OTOG: variants seen among roughly 807,000 people sequenced by gnomAD.
OTOG encodes the protein otogelin.
A neutral mutation model predicts 313.8 loss-of-function variants in OTOG; 296 were observed. The ratio of observed to expected loss-of-function variants is 0.94; its 90% confidence interval spans 0.86 to 1.04. OTOG has a LOEUF of 1.04. Ranked by LOEUF, OTOG falls within the 50% of genes least tolerant of loss-of-function variation. The pLI, the probability that OTOG is intolerant of heterozygous loss-of-function variation, is 0.00. For synonymous variants in OTOG, 1,533 were observed against 1,554.9 expected (o/e 0.99, Z 0.33); for missense variants, 3,948 against 3,840.1 (o/e 1.03, Z -0.74).
At chr11:17,625,060 G>A (rs1435353636) in intron 39 of OTOG, among the ~76,000 whole-genome samples, 1 of 152,114 alleles carries the variant, frequency 6.6e-6, no homozygotes, top group Non-Finnish European at 1.5e-5. Flanking sequence ...TTTTGGGTTG[G>A]AACTATGGGG....
intron 24 of OTOG, among the ~76,000 whole-genome samples, chr11:17,589,413 G>A (rs1488163855): frequency 6.6e-6 from 1 of 151,990 alleles, no homozygotes; most frequent in Non-Finnish European, 1.5e-5. Context: ...AACTTTCCAG[G>A]CTCTGTACCC....
intron 32 of OTOG, among the ~76,000 whole-genome samples, chr11:17,603,591 G>C (rs1464727281): frequency 6.6e-6 from 1 of 152,106 alleles, no homozygotes; most frequent in Non-Finnish European, 1.5e-5. Flanking sequence ...GGCCCAGTGG[G>C]GACCCAAGCT....
chr11:17,623,211 C>T (rs771875641), intron 39 of OTOG, among the ~76,000 whole-genome samples: 6 of 152,142 alleles, frequency 3.9e-5, no homozygotes, highest in African/African-American at 9.6e-5. Flanking sequence ...AAACTCATAT[C>T]GCAGGAGTTT....
In OTOG at chr11:17,557,207, C is replaced by A. The variant is rs1211745736; in HGVS notation, c.749C>A (p.Ala250Asp). 7.1e-6 allele frequency: 11 copies of A among 1,550,634 alleles called. No homozygotes were observed. Among genetic ancestry groups the A allele is most frequent in the Non-Finnish European group, 9.6e-6 (11 of 1,147,014 alleles). ...CGGCATCAGTCAGCCTTCACACTGG[C>A]CTGGGATGGTGCCTCGGCTGTCTAC... ...IVRHQSAFTL[A>D]WDGASAVYIK... Residue 250 changes from alanine (A) to aspartate (D), a missense_variant, in exon 8 of 56, where the codon GCC becomes GAC. Physicochemically the swap from Ala to Asp is moderately radical, Grantham distance 126. Coordinates refer to ENST00000399397, the MANE Select transcript of OTOG (RefSeq NM_001292063.2).
chr11:17,599,121 G>A (rs1281563251), intron 30 of OTOG, among the ~76,000 whole-genome samples: 2 of 152,306 alleles, frequency 1.3e-5, no homozygotes, highest in Non-Finnish European at 2.9e-5. Flanking sequence ...TGTGGTGCTG[G>A]GGATGACCAC....
chr11:17,611,195 C>A lies in OTOG; in HGVS notation c.5895C>A (p.Ala1965=). 1 of 1,550,558 alleles carries A rather than the reference C, an allele frequency of 6.4e-7. No individual in the cohort carries two copies. The highest frequency in any genetic ancestry group is 8.7e-7 in the Non-Finnish European group (1 of 1,147,006). Residue 1965 remains alanine (A), a synonymous_variant, in exon 36 of 56, where the codon GCC becomes GCA. Transcript: ENST00000399397. The part of the protein sequence containing the change: ...GTALPVPTSY[A]LSRVSARTAP... ...CTCTGCCAGTGCCCACATCCTATGCCCTGAGCCGTGTCTCAGCCAGGACGG... is the reference window on the plus strand; with the variant it reads ...CTCTGCCAGTGCCCACATCCTATGCACTGAGCCGTGTCTCAGCCAGGACGG...
chr11:17,638,466 G>T lies in OTOG; in HGVS notation c.7811G>T (p.Arg2604Leu), dbSNP rs988638407. Residue 2604 changes from arginine to leucine, a missense_variant, in exon 48 of 56, where the codon CGC becomes CTC. Arg to Leu is a moderately radical substitution (Grantham distance 102). Transcript: ENST00000399397. Reference protein sequence around the residue: ...PLYQCVCENFRCPQVQCGLGT... With the variant: ...PLYQCVCENFLCPQVQCGLGT... ...TTCCCCACAGTGTGTGAGAACTTCC[G>T]CTGTCCCCAAGTGCAGTGTGGCCTG... 4.3e-5 allele frequency: 66 copies of T among 1,549,086 alleles called. No individual in the cohort carries two copies. Among genetic ancestry groups the T allele is most frequent in the Non-Finnish European group, 5.6e-5 (64 of 1,146,852 alleles).
At chr11:17,593,989 G>A (rs1853024172) in intron 27 of OTOG, 58 bp from the exon 28 acceptor site, 5 of 1,548,290 alleles carry the variant, frequency 3.2e-6, no homozygotes, top group Middle Eastern at 1.7e-4. Context: ...TGACCCCTCT[G>A]CCCGTGGCTC....
chr11:17,587,078 T>G (rs1472432427), intron 24 of OTOG, among the ~76,000 whole-genome samples: 1 of 152,262 alleles, frequency 6.6e-6, no homozygotes, highest in Non-Finnish European at 1.5e-5. Context: ...AGTGTGTGGA[T>G]GTATGTTTTT....
At chr11:17,548,286 C>A in intron 3 of OTOG, 74 bp downstream of exon 3, 6 of 1,348,768 alleles carry the variant, frequency 4.4e-6, no homozygotes, top group Non-Finnish European at 6.0e-6. Flanking sequence ...TGGCAGGGAG[C>A]TCTGTAGGTT....
chr11:17,634,946 G>A lies in OTOG; in HGVS notation c.7583G>A (p.Cys2528Tyr), dbSNP rs1181340286. 6.5e-7 allele frequency: 1 copy of A among 1,546,374 alleles called. No homozygotes were observed. The highest frequency in any genetic ancestry group is 2.0e-5 in the Admixed American group (1 of 50,908). The change falls in exon 45 of 56, where the codon TGT (cysteine) becomes TAT (tyrosine). Residue 2528 changes from cysteine (C) to tyrosine (Y), a missense_variant and splice_region_variant. Coordinates refer to ENST00000399397, the MANE Select transcript of OTOG (RefSeq NM_001292063.2). ...GACTCCTGCTGCCCCAGCTACAGCT[G>A]TGGTGAGAGGCCCGGGGTGGGGAGG... ...QEDSCCPSYS[C>Y]ECDPDLCEAE...
chr11:17,611,281 C>T lies in OTOG; in HGVS notation c.5981C>T (p.Ala1994Val), dbSNP rs11024341. ...CTGGCTGAGGCCCATGGAACCTCGG[C>T]AGGGCCTCACCTGGCAGCAGAGCCG... ...PQLAEAHGTSAGPHLAAEPVD... is the reference protein window; with the variant it reads ...PQLAEAHGTSVGPHLAAEPVD... The change falls in exon 36 of 56, where the codon GCA becomes GTA. Residue 1994 changes from alanine (A) to valine (V), a missense_variant. Physicochemically the swap from Ala to Val is moderately conservative, Grantham distance 64. Coordinates refer to ENST00000399397, the MANE Select transcript of OTOG (RefSeq NM_001292063.2). 4.5e-5 allele frequency: 70 copies of T among 1,550,538 alleles called. 1 individual carries two copies. The East Asian group carries it at 1.5e-3, about 33-fold the overall frequency.
chr11:17,556,989 C>G, intron 7 of OTOG, 129 bp from the exon 8 acceptor site: 2 of 873,786 alleles, frequency 2.3e-6, no homozygotes, highest in Non-Finnish European at 3.5e-6. Flanking sequence ...CCTGGGAATT[C>G]TGGGAATTCA....
chr11:17,559,267 T>C (rs918863608), intron 11 of OTOG, 106 bp downstream of exon 11: 4 of 1,020,804 alleles, frequency 3.9e-6, no homozygotes, highest in Non-Finnish European at 5.6e-6. Flanking sequence ...TTATCAGAAC[T>C]CTCAGCCCCG....
chr11:17,560,935 G>T, intron 13 of OTOG, 118 bp downstream of exon 13: 1 of 1,184,240 alleles, frequency 8.4e-7, no homozygotes. Flanking sequence ...GTACCTTTGA[G>T]TCCCAGGGGA....
chr11:17,617,071 T>A (rs12361934), intron 39 of OTOG, among the ~76,000 whole-genome samples: 21,589 of 152,228 alleles, frequency 0.14, 1,661 homozygotes, highest in Non-Finnish European at 0.18. Context: ...GGAGTAGATG[T>A]TGAATTTTGT....
intron 16 of OTOG, 113 bp from the exon 17 acceptor site, chr11:17,570,100 G>GGGGCGAAGACT: frequency 1.1e-6 from 1 of 946,986 alleles, no homozygotes; most frequent in East Asian, 2.7e-5. Flanking sequence ...AGGCAGGCAG[G>GGGGCGAAGACT]GGGCGAAGAC....
At chr11:17,563,243 G>A (rs1007641766) in intron 15 of OTOG, among the ~76,000 whole-genome samples, 1 of 152,210 alleles carries the variant, frequency 6.6e-6, no homozygotes, top group African/African-American at 2.4e-5. Context: ...GCCCCAGTCT[G>A]GGCTGTGCCA....
chr11:17,590,159 A>G (rs1369917912), intron 24 of OTOG, among the ~76,000 whole-genome samples: 1 of 152,192 alleles, frequency 6.6e-6, no homozygotes, highest in Admixed American at 6.5e-5. Flanking sequence ...AGTCCAATCC[A>G]TGCTTCTCAA....
Sources: gnomAD v4.1 joint callset for allele counts (sites outside exome capture counted in the v4.1 genomes callset) on GRCh38, gnomAD v4.1.1 for gene constraint, MANE v1.5 for transcripts, NCBI Gene and HGNC (gene_info 2026-07-23, HGNC 2026-07-21) for gene names.